Variants in DLG2 observed in about 807,000 individuals in gnomAD.
DLG2 encodes the protein disks large homolog 2.
In DLG2, 45 loss-of-function variants were observed where a neutral mutation model predicts 132.5. That is an observed-to-expected ratio of 0.34 (90% CI 0.27 to 0.44). DLG2 has a LOEUF of 0.44. DLG2 is among the 20% of genes least tolerant of loss of function. The pLI, the probability that DLG2 is intolerant of heterozygous loss-of-function variation, is 1.00. For synonymous variants in DLG2, 424 were observed against 419.6 expected (o/e 1.01, Z -0.13); for missense variants, 1,045 against 1,196.9 (o/e 0.87, Z 1.87).
chr11:85,147,635 G>C (rs2076952633), intron 5 of DLG2, among the ~76,000 whole-genome samples: 1 of 152,064 alleles, frequency 6.6e-6, no homozygotes, highest in Non-Finnish European at 1.5e-5. Flanking sequence ...CATAACCAAT[G>C]AATTAAGTAT....
intron 19 of DLG2, among the ~76,000 whole-genome samples, chr11:83,595,547 A>C (rs1386840172): frequency 6.6e-6 from 1 of 152,216 alleles, no homozygotes; most frequent in Admixed American, 6.5e-5. Flanking sequence ...ACCACAATTA[A>C]ACTGAACAAT....
At chr11:84,464,845 G>A (rs1240971727) in intron 7 of DLG2, among the ~76,000 whole-genome samples, 1 of 151,002 alleles carries the variant, frequency 6.6e-6, no homozygotes, top group Non-Finnish European at 1.5e-5. Context: ...TTAATGTTAT[G>A]TTGGGAATAC....
intron 3 of DLG2, among the ~76,000 whole-genome samples, chr11:85,358,569 T>G (rs1439133847): frequency 6.6e-6 from 1 of 152,218 alleles, no homozygotes; most frequent in African/African-American, 2.4e-5. Context: ...TGTGTTCAAG[T>G]GTTCAAGGCA....
At position 85,429,903 on chromosome 11, in the gene DLG2, A is replaced by G. The variant is rs538337491; in HGVS notation, c.41-144538T>C. On this transcript the variant is annotated intron_variant, in intron 3 of 27. Coordinates refer to ENST00000376104, the MANE Select transcript of DLG2 (RefSeq NM_001142699.3). ...AAAACATGCTGCTATAAAGACACATACACACATATGTTTATTGTGGCACTA... is the reference window on the plus strand; with the variant it reads ...AAAACATGCTGCTATAAAGACACATGCACACATATGTTTATTGTGGCACTA... Among the ~76,000 whole-genome samples, 1,026 of 152,098 alleles carry G rather than the reference A, an allele frequency of 6.7e-3. 16 individuals carry two copies. Among genetic ancestry groups the G allele is most frequent in the African/African-American group, 0.024 (992 of 41,506 alleles).
At chr11:84,993,542 T>TA (rs1406649646) in intron 6 of DLG2, among the ~76,000 whole-genome samples, 1 of 152,204 alleles carries the variant, frequency 6.6e-6, no homozygotes, top group East Asian at 1.9e-4. Flanking sequence ...CTAACCTGTT[T>TA]ACTTATATGG....
chr11:84,893,615 T>C lies in DLG2; in HGVS notation c.357+218046A>G, dbSNP rs756337966. 2.0e-5 allele frequency among the ~76,000 whole-genome samples: 3 copies of C among 152,114 alleles called. No individual in the cohort carries two copies. The South Asian group carries it at 6.2e-4, about 31-fold the overall frequency. On this transcript the variant is annotated intron_variant, in intron 6 of 27. Coordinates refer to ENST00000376104, the MANE Select transcript of DLG2 (RefSeq NM_001142699.3). Reference sequence around the variant, plus strand: ...CTTTGAACGTGGATTTGCAGGTTCATTTTGAAAAAATATTTGTTAAAGTAG... The same window carrying C: ...CTTTGAACGTGGATTTGCAGGTTCACTTTGAAAAAATATTTGTTAAAGTAG...
Position 83,654,899 on chromosome 11 carries a change from G to A in DLG2, c.1826-21574C>T, listed in dbSNP as rs542301238. On this transcript the variant is annotated intron_variant, in intron 18 of 27. Coordinates refer to ENST00000376104, the MANE Select transcript of DLG2 (RefSeq NM_001142699.3). ...GAGGACATCTAGAGATGGGGGCATG[G>A]ATAAGATGTCTTGGGGACTGGTCCA... Among the ~76,000 whole-genome samples the A allele has an allele frequency of 2.3e-4, 35 of 152,326 alleles. No individual in the cohort carries two copies. The South Asian group carries it at 5.0e-3, about 22-fold the overall frequency.
At chr11:85,226,618 A>C (rs990794617) in intron 4 of DLG2, among the ~76,000 whole-genome samples, 3 of 152,180 alleles carry the variant, frequency 2.0e-5, no homozygotes, top group African/African-American at 7.2e-5. Context: ...AATGAATTCA[A>C]AATGTGGAAA....
At chr11:83,710,846 G>T (rs1358960534) in intron 18 of DLG2, among the ~76,000 whole-genome samples, 1 of 152,158 alleles carries the variant, frequency 6.6e-6, no homozygotes, top group Non-Finnish European at 1.5e-5. Flanking sequence ...AATAAAAAAG[G>T]TAAATGTAAT....
At chr11:83,588,674 A>T (rs961680437) in intron 19 of DLG2, among the ~76,000 whole-genome samples, 1 of 151,620 alleles carries the variant, frequency 6.6e-6, no homozygotes, top group Middle Eastern at 3.2e-3. Context: ...AGAAGGCTTC[A>T]GACGATCAAA....
chr11:84,600,306 C>A (rs184185862), intron 6 of DLG2, among the ~76,000 whole-genome samples: 1 of 151,914 alleles, frequency 6.6e-6, no homozygotes, highest in Non-Finnish European at 1.5e-5. Context: ...AATGTCAGGG[C>A]AAAAATAGGG....
rs1003555897 is a variant in DLG2 at position 83,994,370 on chromosome 11, T to C, written c.920-13728A>G. Among the ~76,000 whole-genome samples the C allele has an allele frequency of 5.3e-5, 8 of 152,264 alleles. No individual in the cohort carries two copies. The South Asian group carries it at 1.5e-3, about 28-fold the overall frequency. On this transcript the variant is annotated intron_variant, in intron 11 of 27. Transcript: ENST00000376104. ...TTATTTTGTATGCCCAGGGGTTTTA[T>C]GGACAAAGTAGATACTTGAAAACTA...
chr11:85,155,179 C>T (rs2077510263), intron 4 of DLG2, among the ~76,000 whole-genome samples: 1 of 152,178 alleles, frequency 6.6e-6, no homozygotes. Context: ...GTTACCTAAA[C>T]TGAGGGAACA....
chr11:85,624,630 T>C (rs925712206), intron 2 of DLG2, among the ~76,000 whole-genome samples: 1 of 152,154 alleles, frequency 6.6e-6, no homozygotes, highest in Non-Finnish European at 1.5e-5. Context: ...AAAAATACAA[T>C]ATACACATAA....
In DLG2 at chr11:85,197,643, A is replaced by G. The variant is rs143186307; in HGVS notation, c.187-42992T>C. On this transcript the variant is annotated intron_variant, in intron 4 of 27. Coordinates refer to ENST00000376104, the MANE Select transcript of DLG2 (RefSeq NM_001142699.3). ...CTAGACATAAATTTCTGAAAGACAT[A>G]GTCACAGATATGAGGAGTAAAGGGA... 5.4e-3 allele frequency among the ~76,000 whole-genome samples: 827 copies of G among 152,330 alleles called. 6 individuals carry two copies. The highest frequency in any genetic ancestry group is 0.019 in the African/African-American group (804 of 41,592).
chr11:85,610,986 G>A (rs939930340), intron 2 of DLG2, among the ~76,000 whole-genome samples: 2 of 152,210 alleles, frequency 1.3e-5, no homozygotes, highest in Non-Finnish European at 2.9e-5. Context: ...ATGAGAACCA[G>A]GGTCAGAAAC....
intron 6 of DLG2, among the ~76,000 whole-genome samples, chr11:84,981,727 C>T (rs759768962): frequency 5.9e-5 from 9 of 152,100 alleles, no homozygotes; most frequent in Non-Finnish European, 1.2e-4. Context: ...ATGACTATTA[C>T]ATCCTCACCC....
intron 7 of DLG2, among the ~76,000 whole-genome samples, chr11:84,505,224 A>G (rs1001275447): frequency 3.3e-5 from 5 of 152,168 alleles, no homozygotes; most frequent in Non-Finnish European, 4.4e-5. Context: ...CAAATTTGGT[A>G]TAAGGTATCA....
At chr11:84,591,324 T>A (rs1217734381) in intron 6 of DLG2, among the ~76,000 whole-genome samples, 1 of 151,446 alleles carries the variant, frequency 6.6e-6, no homozygotes, top group Non-Finnish European at 1.5e-5. Context: ...GTTTTTTTTT[T>A]TTTGTTTTGT....
Sources: allele counts gnomAD v4.1 joint callset (sites outside exome capture counted in the v4.1 genomes callset), GRCh38; gene constraint gnomAD v4.1.1; transcripts MANE v1.5; gene names NCBI Gene and HGNC (gene_info 2026-07-23, HGNC 2026-07-21).